TRNT1: variants seen among roughly 807,000 people sequenced by gnomAD.
TRNT1 encodes the protein tRNA nucleotidyl transferase 1.
TRNT1 carries 44 observed loss-of-function variants against 45.6 expected under a neutral mutation model. That is an observed-to-expected ratio of 0.97 (90% confidence interval 0.76 to 1.24). The LOEUF (loss-of-function observed/expected upper bound fraction) is 1.24, where lower values mean the gene tolerates loss of function less well. Among genes scored for constraint, TRNT1 ranks in the 50% most tolerant of loss-of-function variants. TRNT1 has a pLI of 0.00. For synonymous variants in TRNT1, 201 were observed against 171.4 expected, an observed-to-expected ratio of 1.17 and a Z score of -1.35; for missense variants, 633 against 504.4, an observed-to-expected ratio of 1.25 and a Z score of -2.44.
chr3:3,130,646 AAGAT>A (rs1396086806), intron 2 of TRNT1: 1 of 152,266 alleles, frequency 6.6e-6, no homozygotes, highest in Non-Finnish European at 1.5e-5. Flanking sequence ...CCACATTAAA[AAGAT>A]AGAAATGGTG....
At chr3:3,152,487 G>A (rs775940573), downstream of TRNT1, 14 of 1,613,472 alleles carry the variant, frequency 8.7e-6, no homozygotes, top group East Asian at 2.2e-5. Flanking sequence ...GTAGAAGGCC[G>A]GCCTATCAGA....
At chr3:3,136,581 A>G (rs1705339921) in intron 2 of TRNT1, 2 of 416,476 alleles carry the variant, frequency 4.8e-6, no homozygotes, top group Non-Finnish European at 9.4e-6. Flanking sequence ...AAATACAAGA[A>G]CATGTTACCA....
At chr3:3,149,259 T>TAATA (rs544852487), downstream of TRNT1, 13 of 152,208 alleles carry the variant, frequency 8.5e-5, no homozygotes, top group South Asian at 2.5e-3. Flanking sequence ...CATTATAAAA[T>TAATA]AATACTTTGA....
In TRNT1 at chr3:3,146,589, C is replaced by T. The variant is rs1411916026; in HGVS notation, c.768C>T (p.His256=). 2 of 1,613,338 alleles carry T rather than the reference C, an allele frequency of 1.2e-6. No homozygotes were observed. Among genetic ancestry groups the T allele is most frequent in the African/African-American group, 2.7e-5 (2 of 74,986 alleles). ...GTAACCATGTAAATCATTTGATTCA[C>T]CTTATCTATGATCTTGATGTGGCTC... is the stretch of plus-strand genomic sequence containing the variant. ...LVGNHVNHLI[H]LIYDLDVAPY... The change falls in exon 6 of 8, where the codon CAC becomes CAT. Residue 256 remains histidine (H), a synonymous_variant. Transcript: ENST00000251607.
chr3:3,144,286 T>G (rs1705842276), intron 4 of TRNT1, among the ~76,000 whole-genome samples: 1 of 152,218 alleles, frequency 6.6e-6, no homozygotes, highest in African/African-American at 2.4e-5. Flanking sequence ...TTGTGAAAAT[T>G]AGCTTGTATG....
Position 3,147,532 on chromosome 3 carries a change from T to A in TRNT1, c.885T>A (p.Leu295=). 4 of 1,613,972 alleles carry A rather than the reference T, an allele frequency of 2.5e-6. No individual in the cohort carries two copies. In the South Asian group the frequency reaches 3.3e-5, roughly 13 times the overall value. The part of the protein sequence containing the change: ...VDGFSPKPVT[L]LASLFKVQDD... ...GTTTTTCACCAAAGCCAGTGACTCT[T>A]TTGGCCTCATTATTCAAAGTACAAG... The change falls in exon 7 of 8, where the codon CTT becomes CTA. Residue 295 remains leucine, a synonymous_variant. Transcript: ENST00000251607.
intron 3 of TRNT1, among the ~76,000 whole-genome samples, chr3:3,138,554 G>C (rs1324720070): frequency 6.6e-6 from 1 of 152,032 alleles, no homozygotes; most frequent in Non-Finnish European, 1.5e-5. Flanking sequence ...TTTGTTAAAT[G>C]CTTTTTCCTT....
intron 5 of TRNT1, among the ~76,000 whole-genome samples, chr3:3,145,962 T>G (rs1705989331): frequency 6.7e-6 from 1 of 149,422 alleles, no homozygotes; most frequent in South Asian, 2.1e-4. Flanking sequence ...ATGAGTCGTA[T>G]TTGAAGGTTT....
At chr3:3,128,974 CT>C (rs769603257) in intron 1 of TRNT1, 39 bp from the exon 2 acceptor site, 37 of 1,438,042 alleles carry the variant, frequency 2.6e-5, no homozygotes, top group East Asian at 1.9e-4. Flanking sequence ...CTTACCTTCA[CT>C]TTTAATTTCA....
intron 2 of TRNT1, among the ~76,000 whole-genome samples, chr3:3,129,745 A>G (rs572866273): frequency 4.7e-4 from 71 of 152,348 alleles, no homozygotes; most frequent in Non-Finnish European, 1.0e-4. Flanking sequence ...GGTGCTACTA[A>G]CTTAATGAGT....
At chr3:3,134,712 ATT>A (rs1333961951) in intron 2 of TRNT1, among the ~76,000 whole-genome samples, 1 of 152,032 alleles carries the variant, frequency 6.6e-6, no homozygotes, top group Non-Finnish European at 1.5e-5. Context: ...CAGTGAAGTC[ATT>A]CTTTTTTTTA....
intron 3 of TRNT1, among the ~76,000 whole-genome samples, chr3:3,139,817 C>T (rs1009641788): frequency 3.3e-5 from 5 of 152,004 alleles, no homozygotes; most frequent in African/African-American, 1.2e-4. Flanking sequence ...GCCTCTGCCT[C>T]CCGGGGTCTA....
chr3:3,131,195 A>AAGT (rs1436197871), intron 2 of TRNT1: 2 of 152,222 alleles, frequency 1.3e-5, no homozygotes, highest in Non-Finnish European at 2.9e-5. Context: ...AGTGCTCAGT[A>AAGT]AGTACAAGTG....
At chr3:3,145,384 T>C (rs1705934170) in intron 5 of TRNT1, 1 of 151,972 alleles carries the variant, frequency 6.6e-6, no homozygotes, top group Non-Finnish European at 1.5e-5. Flanking sequence ...GCGCCTGTAG[T>C]CCGAGCTACT....
chr3:3,129,574 CCT>C (rs1704871304), intron 2 of TRNT1: 1 of 444,492 alleles, frequency 2.2e-6, no homozygotes, highest in African/African-American at 2.0e-5. Context: ...AGAGTGAGAC[CCT>C]GTCTCAAAAA....
intron 5 of TRNT1, 151 bp from the exon 6 acceptor site, chr3:3,146,279 G>A (rs921376327): frequency 2.0e-5 from 9 of 449,802 alleles, no homozygotes; most frequent in Non-Finnish European, 3.4e-5. Flanking sequence ...GAAATGACCA[G>A]TTGCTTTCTA....
rs1706136923 is a variant in TRNT1 at position 3,147,680 on chromosome 3, C to G, written c.1033C>G (p.Pro345Ala). Residue 345 changes from proline to alanine, a missense_variant, in exon 7 of 8, where the codon CCC becomes GCC. Transcript: ENST00000251607. ...KATDSSDPLKPYQDFIIDSRE... is the reference protein window; with the variant it reads ...KATDSSDPLKAYQDFIIDSRE... ...AACAGATAGTTCAGACCCATTGAAA[C>G]CCTATCAAGACTTCATTATAGATGT... 1.9e-6 allele frequency: 3 copies of G among 1,612,628 alleles called. No individual in the cohort carries two copies. The highest frequency in any genetic ancestry group is 3.3e-5 in the Admixed American group (2 of 59,822).
rs1216968173 is a variant in TRNT1, at chr3:3,145,896, C to T, written c.609-534C>T. Among the ~76,000 whole-genome samples the T allele has an allele frequency of 4.6e-5, 7 of 151,910 alleles. No homozygotes were observed. In the East Asian group the frequency reaches 5.8e-4, roughly 13 times the overall value. ...AGGGCATGAGAGGGAAACACATGCACGTTAGGGCTTCCAGTTCTAAGATTC... is the reference window on the plus strand; with the variant it reads ...AGGGCATGAGAGGGAAACACATGCATGTTAGGGCTTCCAGTTCTAAGATTC... On this transcript the variant is annotated intron_variant, in intron 5 of 7. Transcript: ENST00000251607.
At chr3:3,135,536 G>A (rs115382043) in intron 2 of TRNT1, among the ~76,000 whole-genome samples, 1,925 of 152,300 alleles carry the variant, frequency 0.013, 51 homozygotes, top group African/African-American at 0.044. Context: ...CTTCCCCTTG[G>A]GGAGAGCTTG....
Sources: gnomAD v4.1 joint callset for allele counts (sites outside exome capture counted in the v4.1 genomes callset) on GRCh38, gnomAD v4.1.1 for gene constraint, MANE v1.5 for transcripts, NCBI Gene and HGNC (gene_info 2026-07-23, HGNC 2026-07-21) for gene names.